EGFL6: variants seen among roughly 807,000 people sequenced by gnomAD.
EGFL6 encodes EGF like domain multiple 6, also known as epidermal growth factor-like protein 6.
Under a neutral mutation model 43.1 loss-of-function variants are expected in EGFL6, and 42 were observed. The ratio of observed to expected loss-of-function variants is 0.98; its 90% CI spans 0.76 to 1.26. EGFL6 has a LOEUF of 1.26. Among genes scored for constraint, EGFL6 ranks in the 50% most tolerant of loss-of-function variants. The probability of loss-of-function intolerance (pLI) is 0.00; values close to 1 mark genes in which losing one functional copy is unlikely to be tolerated. For missense variants in EGFL6, 429 were observed against 427.8 expected, an observed-to-expected ratio of 1.00 and a Z score of -0.02; for synonymous variants, 164 against 163.2, an observed-to-expected ratio of 1.01 and a Z score of -0.04.
At chrX:13,580,310 A>G (rs1183334193) in intron 1 of EGFL6, among the ~76,000 whole-genome samples, 2 of 111,404 alleles carry the variant, frequency 1.8e-5, no homozygotes, top group African/African-American at 3.3e-5. Context: ...ATGTATATTC[A>G]TGTCTTCAAA....
At chrX:13,628,085 G>A (rs1222091369) in intron 11 of EGFL6, among the ~76,000 whole-genome samples, 2 of 111,099 alleles carry the variant, frequency 1.8e-5, no homozygotes, top group Non-Finnish European at 3.8e-5. Context: ...CCCACCATAA[G>A]TCACATTGTT....
At chrX:13,627,427 A>G (rs2045787540) in intron 11 of EGFL6, 151 bp downstream of exon 11, 1 of 736,481 alleles carries the variant, frequency 1.4e-6, no homozygotes, top group Admixed American at 3.7e-5. Context: ...CTGGAGCTGA[A>G]TAGGCAAGGT....
Position 13,606,444 on chromosome X carries a change from G to T in EGFL6, c.586G>T (p.Gly196Ter), listed in dbSNP as rs139665443. ...PYNRRCVNTFGSYYCKCHIGF... is the reference protein window; with the variant it reads ...PYNRRCVNTF ...CAATCGAAGATGTGTGAACACATTTGGAAGCTACTACTGCAAATGTCACAT... is the reference window on the plus strand; with the variant it reads ...CAATCGAAGATGTGTGAACACATTTTGAAGCTACTACTGCAAATGTCACAT... The change falls in exon 6 of 12, where the codon GGA becomes TGA. Residue 196 changes from glycine (G) to a stop codon, truncating the protein, a stop_gained. Transcript: ENST00000361306. LOFTEE classifies it high-confidence loss of function. The T allele has an allele frequency of 3.3e-6, 4 of 1,208,928 alleles. No individual in the cohort carries two copies. Among genetic ancestry groups the T allele is most frequent in the Non-Finnish European group, 4.5e-6 (4 of 894,093 alleles).
intron 1 of EGFL6, among the ~76,000 whole-genome samples, chrX:13,578,608 G>T (rs1482436846): frequency 9.0e-6 from 1 of 110,887 alleles, no homozygotes; most frequent in Admixed American, 9.6e-5. Context: ...CATAAAAAAT[G>T]ATGAGTTCAT....
intron 1 of EGFL6, among the ~76,000 whole-genome samples, chrX:13,584,674 C>T (rs968879108): frequency 3.6e-5 from 4 of 111,908 alleles, no homozygotes; most frequent in Admixed American, 9.5e-5. Context: ...AACATCTACC[C>T]GATGGTGCAT....
chrX:13,595,335 T>G (rs1201710456), intron 3 of EGFL6, among the ~76,000 whole-genome samples: 1 of 111,966 alleles, frequency 8.9e-6, no homozygotes, highest in African/African-American at 3.2e-5. Context: ...AAATATAAAC[T>G]TAAAAGTGAG....
intron 1 of EGFL6, 69 bp downstream of exon 1, chrX:13,570,004 CTT>C (rs1356039856): frequency 9.9e-7 from 1 of 1,008,783 alleles, no homozygotes; most frequent in African/African-American, 1.8e-5. Context: ...GGCCCCATGT[CTT>C]TGCAGGCACC....
At chrX:13,591,667 A>G (rs1313468875) in intron 2 of EGFL6, among the ~76,000 whole-genome samples, 1 of 110,772 alleles carries the variant, frequency 9.0e-6, no homozygotes, top group Non-Finnish European at 1.9e-5. Context: ...ACCTGCCCCA[A>G]CAAGGAGAGC....
At position 13,569,664 on chromosome X, in the gene EGFL6, C is replaced by T. The variant is rs1318765779; in HGVS notation, c.-198C>T. ...CCAGGCTTGCCAGGGCGCCCCCAGC[C>T]CCTCCCCAGGCCGCGAGCGCCCCTG... On this transcript the variant is annotated 5_prime_UTR_variant, in exon 1 of 12. Transcript: ENST00000361306. 2 of 424,928 alleles carry T rather than the reference C, an allele frequency of 4.7e-6. No individual in the cohort carries two copies. The highest frequency in any genetic ancestry group is 3.8e-5 in the South Asian group (1 of 26,011). 35.0% of individuals were successfully genotyped at this position (424,928 alleles called of 1,213,427 possible). A position where few individuals can be genotyped will look rare whatever the true frequency, so the allele number is the denominator to read the frequency against.
intron 6 of EGFL6, among the ~76,000 whole-genome samples, chrX:13,608,070 C>G (rs189339899): frequency 8.9e-6 from 1 of 112,257 alleles, no homozygotes; most frequent in East Asian, 2.8e-4. Flanking sequence ...TTACAGATTT[C>G]AATAGCATTG....
chrX:13,580,592 A>C (rs1320513916), intron 1 of EGFL6, among the ~76,000 whole-genome samples: 2 of 110,257 alleles, frequency 1.8e-5, no homozygotes, highest in Non-Finnish European at 3.8e-5. Context: ...TCTCAAGTCC[A>C]TCTCCTTCTA....
At chrX:13,611,501 A>T (rs2045688702) in intron 7 of EGFL6, among the ~76,000 whole-genome samples, 1 of 112,402 alleles carries the variant, frequency 8.9e-6, no homozygotes, top group Non-Finnish European at 1.9e-5. Context: ...GAAGGCCCAG[A>T]GTAAACCTGG....
In EGFL6 at chrX:13,627,210, G is replaced by A. The variant is rs766017849; in HGVS notation, c.1485G>A (p.Thr495=). 31 of 1,210,734 alleles carry A rather than the reference G, an allele frequency of 2.6e-5. No homozygotes were observed. The highest frequency in any genetic ancestry group is 2.0e-5 in the Non-Finnish European group (18 of 895,306). The change falls in exon 11 of 12, where the codon ACG becomes ACA. Residue 495 remains threonine, a synonymous_variant. Coordinates refer to ENST00000361306, the MANE Select transcript of EGFL6 (RefSeq NM_015507.4). ...ATGCCCTGGCATGGGAGAAGACCAC[G>A]AGTGAGGATGAAAAGTGGAAGACAG... The part of the protein sequence containing the change: ...SNNALAWEKT[T]SEDEKWKTGK...
At chrX:13,600,339 T>A (rs1297457641) in intron 4 of EGFL6, among the ~76,000 whole-genome samples, 1 of 90,044 alleles carries the variant, frequency 1.1e-5, no homozygotes, top group Non-Finnish European at 2.1e-5. Context: ...CAGGCTGGAG[T>A]GCAGTGGTGC....
chrX:13,604,615 CT>C (rs1411041147), intron 5 of EGFL6, among the ~76,000 whole-genome samples: 3 of 112,102 alleles, frequency 2.7e-5, no homozygotes, highest in Non-Finnish European at 5.6e-5. Context: ...ACTTTTTTCA[CT>C]TTGTGCTTTG....
At chrX:13,606,327 A>G in intron 5 of EGFL6, 52 bp from the exon 6 acceptor site, 1 of 1,185,941 alleles carries the variant, frequency 8.4e-7, no homozygotes, top group Non-Finnish European at 1.1e-6. Context: ...GCGTGCATGT[A>G]TGTGGCTACT....
At chrX:13,608,968 GTAT>G (rs1208033210) in intron 7 of EGFL6, among the ~76,000 whole-genome samples, 2 of 112,549 alleles carry the variant, frequency 1.8e-5, no homozygotes, top group African/African-American at 6.5e-5. Flanking sequence ...TTGTTTTAAT[GTAT>G]ATAGCAGAGA....
chrX:13,617,742 A>C lies in EGFL6; in HGVS notation c.791A>C (p.Asn264Thr). ...NGLRCSAIPE[N>T]SVKEVLRAPG... ...TTATTTGTTTTAGCTATCCCTGAAA[A>C]TTCTGTGAAGGAAGTCCTCAGAGCA... Residue 264 changes from asparagine to threonine, a missense_variant, in exon 8 of 12, where the codon AAT becomes ACT. Physicochemically the swap from Asn to Thr is moderately conservative, Grantham distance 65. Transcript: ENST00000361306. 1 of 1,196,570 alleles carries C rather than the reference A, an allele frequency of 8.4e-7. No homozygotes were observed. The highest frequency in any genetic ancestry group is 2.3e-4 in the Middle Eastern group (1 of 4,284).
chrX:13,628,816 C>G (rs4240154), intron 11 of EGFL6, among the ~76,000 whole-genome samples: 2 of 93,595 alleles, frequency 2.1e-5, no homozygotes, highest in Non-Finnish European at 4.0e-5. Flanking sequence ...TCAAAAAAAA[C>G]CCCGAAAAAA....
Sources: gnomAD v4.1 joint callset for allele counts (sites outside exome capture counted in the v4.1 genomes callset) on GRCh38, gnomAD v4.1.1 for gene constraint, MANE v1.5 for transcripts, NCBI Gene and HGNC (gene_info 2026-07-23, HGNC 2026-07-21) for gene names.